The following FAM53B variants were observed in gnomAD, a reference collection of about 807,000 sequenced individuals.
The protein encoded by FAM53B is family with sequence similarity 53 member B.
A neutral mutation model predicts 32.7 loss-of-function variants in FAM53B; 12 were observed. The ratio of observed to expected loss-of-function variants is 0.37; its 90% CI spans 0.24 to 0.59. The LOEUF is 0.59. Ranked by LOEUF, FAM53B falls within the 20% of genes least tolerant of loss-of-function variation. The pLI is 0.72. For missense variants in FAM53B, 477 were observed against 577.7 expected (o/e 0.83, Z 1.79); for synonymous variants, 234 against 228.7 (o/e 1.02, Z -0.21).
chr10:124,653,684 A>G (rs1949569534), intron 4 of FAM53B, among the ~76,000 whole-genome samples: 1 of 152,198 alleles, frequency 6.6e-6, no homozygotes, highest in Non-Finnish European at 1.5e-5. Flanking sequence ...GGACCCTCCC[A>G]GTCTCAGCCT....
In FAM53B at chr10:124,620,410, T is replaced by A. The variant is rs1332109549; in HGVS notation, c.*2832A>T. On this transcript the variant is annotated 3_prime_UTR_variant, in exon 5 of 5. Coordinates refer to ENST00000337318, the MANE Select transcript of FAM53B (RefSeq NM_014661.4). ...GCTTAGCCCGCGCTTTAGGACCCCA[T>A]GAGCAGGCAGATGGCCTGGCACGGC... 1 of 137,224 alleles carries A rather than the reference T, an allele frequency of 7.3e-6. No individual in the cohort carries two copies. The highest frequency in any genetic ancestry group is 1.5e-5 in the Non-Finnish European group (1 of 66,172). 8.5% of individuals were successfully genotyped at this position (137,224 alleles called of 1,614,324 possible).
At chr10:124,641,677 C>T (rs1318310616) in intron 4 of FAM53B, among the ~76,000 whole-genome samples, 1 of 152,152 alleles carries the variant, frequency 6.6e-6, no homozygotes, top group Non-Finnish European at 1.5e-5. Flanking sequence ...CACCACCCAC[C>T]CCCAACACAC....
chr10:124,636,313 C>A (rs1226501907), intron 4 of FAM53B, among the ~76,000 whole-genome samples: 1 of 151,980 alleles, frequency 6.6e-6, no homozygotes, highest in Non-Finnish European at 1.5e-5. Flanking sequence ...CGGCACTTTG[C>A]AAAATCTGTG....
chr10:124,698,307 C>G (rs1364915414), intron 2 of FAM53B, among the ~76,000 whole-genome samples: 1 of 152,172 alleles, frequency 6.6e-6, no homozygotes, highest in Admixed American at 6.5e-5. Flanking sequence ...AAGCACCCCG[C>G]GTGCTTCACT....
At position 124,681,951 on chromosome 10, in the gene FAM53B, G is replaced by A; in HGVS notation, c.562C>T (p.His188Tyr). Reference sequence around the variant, plus strand: ...TGGCAGGGCTGCCCTCCAAATCGGTGGTGGAGTCCTGCCTGGTCGCAGGGT... The same window carrying A: ...TGGCAGGGCTGCCCTCCAAATCGGTAGTGGAGTCCTGCCTGGTCGCAGGGT... ...SSPCDQAGLHHRFGGQPCQGV... is the reference protein window; with the variant it reads ...SSPCDQAGLHYRFGGQPCQGV... Residue 188 changes from histidine (H) to tyrosine (Y), a missense_variant, in exon 4 of 5, where the codon CAC becomes TAC. Coordinates refer to ENST00000337318, the MANE Select transcript of FAM53B (RefSeq NM_014661.4). 1 of 1,614,034 alleles carries A rather than the reference G, an allele frequency of 6.2e-7. No individual in the cohort carries two copies. The highest frequency in any genetic ancestry group is 8.5e-7 in the Non-Finnish European group (1 of 1,180,014).
At chr10:124,660,096 T>C (rs886136935) in intron 4 of FAM53B, among the ~76,000 whole-genome samples, 1 of 152,242 alleles carries the variant, frequency 6.6e-6, no homozygotes, top group African/African-American at 2.4e-5. Context: ...CATGAGCCGC[T>C]GTGCCTGGCC....
chr10:124,650,089 T>C (rs867607188), intron 4 of FAM53B, among the ~76,000 whole-genome samples: 4 of 152,138 alleles, frequency 2.6e-5, no homozygotes, highest in Middle Eastern at 3.2e-3. Context: ...CAGGTACAGA[T>C]GACATAATTA....
At chr10:124,633,387 A>G (rs749971433) in intron 4 of FAM53B, among the ~76,000 whole-genome samples, 26 of 152,192 alleles carry the variant, frequency 1.7e-4, no homozygotes, top group Non-Finnish European at 3.4e-4. Context: ...TATGATCCCA[A>G]TCTAAAATAT....
chr10:124,697,687 C>T (rs894392401), intron 2 of FAM53B, among the ~76,000 whole-genome samples: 2 of 152,090 alleles, frequency 1.3e-5, no homozygotes, highest in East Asian at 3.9e-4. Flanking sequence ...GGGTGGAGGT[C>T]GGGGCAGCCT....
At chr10:124,690,456 T>C (rs1589751831) in intron 3 of FAM53B, among the ~76,000 whole-genome samples, 1 of 152,246 alleles carries the variant, frequency 6.6e-6, no homozygotes, top group East Asian at 1.9e-4. Context: ...CATTTCTTCA[T>C]GTGGAAGGCA....
chr10:124,712,867 G>A (rs1020880632), intron 1 of FAM53B, among the ~76,000 whole-genome samples: 2 of 152,252 alleles, frequency 1.3e-5, no homozygotes, highest in African/African-American at 4.8e-5. Context: ...ACTTCCCATT[G>A]ATCCATGTTT....
chr10:124,711,579 T>G (rs1950003775), intron 1 of FAM53B, among the ~76,000 whole-genome samples: 1 of 152,244 alleles, frequency 6.6e-6, no homozygotes. Flanking sequence ...TTATCAAAAT[T>G]CATAGCACTA....
intron 1 of FAM53B, among the ~76,000 whole-genome samples, chr10:124,711,629 A>C (rs1950004203): frequency 6.6e-6 from 1 of 152,238 alleles, no homozygotes; most frequent in African/African-American, 2.4e-5. Flanking sequence ...TAAGTTTTTA[A>C]AACTTTTTTT....
chr10:124,718,863 A>G lies in FAM53B; in HGVS notation c.-174-11976T>C, dbSNP rs572720874. On this transcript the variant is annotated intron_variant, in intron 1 of 4. Transcript: ENST00000337318. ...AAGAGTTCAAGACCAGCTGGGCAAC[A>G]TGGAGAAATCCCCATCTCTATAAAA... 2.0e-5 allele frequency among the ~76,000 whole-genome samples: 3 copies of G among 152,356 alleles called. No individual in the cohort carries two copies. The East Asian group carries it at 5.8e-4, about 29-fold the overall frequency.
In FAM53B at chr10:124,738,360, AT is replaced by A. The variant is rs112982778; in HGVS notation, c.-175+5652del. On this transcript the variant is annotated intron_variant, in intron 1 of 4. Transcript: ENST00000337318. ...GCCTGAATGCAGCCTGGGCATCTGG[AT>A]TTTTTTTTTTTTCCAACCTTCCCAG... Among the ~76,000 whole-genome samples, 514 of 143,558 alleles carry A rather than the reference AT, an allele frequency of 3.6e-3. 3 individuals are homozygous for A. Among genetic ancestry groups the A allele is most frequent in the South Asian group, 0.024 (108 of 4,520 alleles). 94.2% of individuals were successfully genotyped at this position (143,558 alleles called of 152,430 possible).
At chr10:124,666,200 A>G (rs1949671325) in intron 4 of FAM53B, among the ~76,000 whole-genome samples, 2 of 152,212 alleles carry the variant, frequency 1.3e-5, no homozygotes, top group South Asian at 4.1e-4. Context: ...CCCTCCCAGA[A>G]GGGTGGGGCA....
chr10:124,700,450 A>G (rs761254538), intron 2 of FAM53B, among the ~76,000 whole-genome samples: 2 of 152,144 alleles, frequency 1.3e-5, no homozygotes, highest in Non-Finnish European at 2.9e-5. Context: ...CCCGAGCCCT[A>G]GCTGAGGTCT....
chr10:124,742,745 C>A (rs868305565), intron 1 of FAM53B: 98 of 152,300 alleles, frequency 6.4e-4, no homozygotes, highest in African/African-American at 2.3e-3. Flanking sequence ...CCATCTGCAC[C>A]CGCTCCTGCA....
chr10:124,720,410 A>G (rs768780352), intron 1 of FAM53B, among the ~76,000 whole-genome samples: 2 of 152,220 alleles, frequency 1.3e-5, no homozygotes, highest in Non-Finnish European at 2.9e-5. Flanking sequence ...GCAGTCAGCC[A>G]TGATCACACC....
Sources: gnomAD v4.1 joint callset for allele counts (sites outside exome capture counted in the v4.1 genomes callset) on GRCh38, gnomAD v4.1.1 for gene constraint, MANE v1.5 for transcripts, NCBI Gene and HGNC (gene_info 2026-07-23, HGNC 2026-07-21) for gene names.